The following RHOU variants were observed in gnomAD, a reference collection of about 807,000 sequenced individuals.
RHOU encodes ras homolog family member U.
Under a neutral mutation model 12.6 loss-of-function variants are expected in RHOU, and 8 were observed. That is an observed-to-expected ratio of 0.64 (90% CI 0.37 to 1.15). The LOEUF (loss-of-function observed/expected upper bound fraction) is 1.15. Among genes scored for constraint, RHOU ranks in the 50% most tolerant of loss-of-function variants. The pLI, the probability that RHOU is intolerant of heterozygous loss-of-function variation, is 0.01. For missense variants in RHOU, 258 were observed against 347.0 expected, an observed-to-expected ratio of 0.74 and a Z score of 2.04; for synonymous variants, 161 against 147.4, an observed-to-expected ratio of 1.09 and a Z score of -0.67.
At chr1:228,646,906 C>T in the RHOU span, among the ~76,000 whole-genome samples, 1 of 151,538 alleles carries the variant, frequency 6.6e-6, no homozygotes, top group Admixed American at 6.6e-5. Flanking sequence ...AGACAGCGAT[C>T]GAGAGAGACC....
At chr1:228,723,133 A>G in the RHOU span, among the ~76,000 whole-genome samples, 3 of 152,008 alleles carry the variant, frequency 2.0e-5, no homozygotes, top group Non-Finnish European at 4.4e-5. Context: ...TCTATTTGAT[A>G]CCACTCCGAT....
the RHOU span, among the ~76,000 whole-genome samples, chr1:228,697,378 G>C: frequency 6.6e-6 from 1 of 152,196 alleles, no homozygotes; most frequent in South Asian, 2.1e-4. Context: ...CCAGAGGAAA[G>C]CTTGGCCTGG....
the RHOU span, among the ~76,000 whole-genome samples, chr1:228,722,456 C>G: frequency 1.3e-5 from 2 of 152,154 alleles, no homozygotes; most frequent in Non-Finnish European, 2.9e-5. Context: ...GTTGTACGTT[C>G]AATTGCCGGC....
chr1:228,684,987 C>T, the RHOU span, among the ~76,000 whole-genome samples: 1 of 152,340 alleles, frequency 6.6e-6, no homozygotes, highest in South Asian at 2.1e-4. Flanking sequence ...ACTCCGAGAG[C>T]TGCTGGTTGC....
At chr1:228,696,964 G>C in the RHOU span, among the ~76,000 whole-genome samples, 1 of 152,134 alleles carries the variant, frequency 6.6e-6, no homozygotes, top group Non-Finnish European at 1.5e-5. Context: ...AGACATGAGA[G>C]AGTAAAAGTC....
At chr1:228,701,948 A>G in the RHOU span, among the ~76,000 whole-genome samples, 1 of 151,972 alleles carries the variant, frequency 6.6e-6, no homozygotes, top group Non-Finnish European at 1.5e-5. Flanking sequence ...TCTAAAAAGT[A>G]ATTCTGAACT....
At chr1:228,730,579 C>G (rs981654323), upstream of RHOU, among the ~76,000 whole-genome samples, 2 of 152,190 alleles carry the variant, frequency 1.3e-5, no homozygotes, top group African/African-American at 4.8e-5. Context: ...GAGAACCATA[C>G]AAAGAAGGAA....
chr1:228,682,244 G>A, the RHOU span, among the ~76,000 whole-genome samples: 1 of 152,230 alleles, frequency 6.6e-6, no homozygotes, highest in Non-Finnish European at 1.5e-5. Flanking sequence ...CCTTGGGCTG[G>A]TTGGTCTGAG....
the RHOU span, among the ~76,000 whole-genome samples, chr1:228,717,344 C>A: frequency 2.0e-5 from 3 of 152,212 alleles, no homozygotes; most frequent in African/African-American, 7.2e-5. Flanking sequence ...GCCAGAAAGT[C>A]TTATAACACA....
chr1:228,668,979 A>G, the RHOU span, among the ~76,000 whole-genome samples: 1 of 152,228 alleles, frequency 6.6e-6, no homozygotes, highest in South Asian at 2.1e-4. Flanking sequence ...GGCCTGAATG[A>G]AAAGGGGCAG....
the RHOU span, among the ~76,000 whole-genome samples, chr1:228,710,534 A>C: frequency 6.6e-6 from 1 of 152,246 alleles, no homozygotes; most frequent in Non-Finnish European, 1.5e-5. Flanking sequence ...GTAATCCAGC[A>C]TATAAACAGA....
chr1:228,677,497 T>C, the RHOU span, among the ~76,000 whole-genome samples: 1 of 150,592 alleles, frequency 6.6e-6, no homozygotes, highest in Non-Finnish European at 1.5e-5. Context: ...AAATATACAG[T>C]CCCCCCCTTT....
In RHOU at chr1:228,735,692, G is replaced by A; in HGVS notation, c.-51G>A. The A allele has an allele frequency of 1.7e-6, 2 of 1,184,092 alleles. No individual in the cohort carries two copies. The highest frequency in any genetic ancestry group is 8.5e-5 in the South Asian group (2 of 23,628). The allele number at this position is 1,184,092 out of a possible 1,614,324, so 73.3% of individuals were successfully genotyped here. A position where few individuals can be genotyped will look rare whatever the true frequency, so the allele number is the denominator to read the frequency against. On this transcript the variant is annotated 5_prime_UTR_variant, in exon 1 of 3. Transcript: ENST00000366691. This position sits in a 1 kb window ranked among gnomAD's most constrained non-coding sequence, Gnocchi z 8.1. The stretch of plus-strand genomic sequence containing the variant: ...CGCAACCCTCCGGGGCGGAGGGGCG[G>A]TCGGGCCGGGCCCTGCTAGCCCGCG...
the RHOU span, among the ~76,000 whole-genome samples, chr1:228,672,328 A>AT: frequency 6.6e-6 from 1 of 151,976 alleles, no homozygotes; most frequent in African/African-American, 2.4e-5. Flanking sequence ...GACACAGCTG[A>AT]TTTTTTGTAT....
the RHOU span, among the ~76,000 whole-genome samples, chr1:228,707,128 A>ATATATATG: frequency 1.9e-3 from 126 of 67,582 alleles, 5 homozygotes; most frequent in East Asian, 0.018. Flanking sequence ...ATATATATAC[A>ATATATATG]TATATATATA....
At chr1:228,718,853 C>T in the RHOU span, among the ~76,000 whole-genome samples, 7,063 of 152,276 alleles carry the variant, frequency 0.046, 197 homozygotes, top group Middle Eastern at 0.13. Flanking sequence ...CCTGGATGCT[C>T]ACTGCAGGAG....
chr1:228,658,286 CAAAA>C, the RHOU span, among the ~76,000 whole-genome samples: 15 of 93,966 alleles, frequency 1.6e-4, no homozygotes, highest in Non-Finnish European at 2.8e-4. Flanking sequence ...GACCCTGTCT[CAAAA>C]AAAAAAAAAA....
At chr1:228,723,024 G>A in the RHOU span, among the ~76,000 whole-genome samples, 1 of 152,012 alleles carries the variant, frequency 6.6e-6, no homozygotes, top group Admixed American at 6.6e-5. Context: ...TTGCACCACC[G>A]CCTCTGCTAC....
At chr1:228,646,795 C>T in the RHOU span, among the ~76,000 whole-genome samples, 4 of 152,016 alleles carry the variant, frequency 2.6e-5, no homozygotes, top group Non-Finnish European at 5.9e-5. Flanking sequence ...CACGGGTGCG[C>T]AGACGCACGC....
Sources: allele counts gnomAD v4.1 joint callset (sites outside exome capture counted in the v4.1 genomes callset), GRCh38; gene constraint gnomAD v4.1.1; non-coding constraint Gnocchi (gnomAD v3.1); transcripts MANE v1.5; gene names NCBI Gene and HGNC (gene_info 2026-07-23, HGNC 2026-07-21).